PIEZO2: variants seen among roughly 807,000 people sequenced by gnomAD.
PIEZO2 encodes piezo-type mechanosensitive ion channel component 2.
In PIEZO2, 172 loss-of-function variants were observed where a neutral mutation model predicts 337.3. The observed-to-expected ratio is 0.51, with a 90% CI of 0.45 to 0.58. The LOEUF is 0.58. Ranked by LOEUF, PIEZO2 falls within the 20% of genes least tolerant of loss-of-function variation. PIEZO2 has a pLI of 0.00. For synonymous variants in PIEZO2, 1,251 were observed against 1,228.5 expected, an observed-to-expected ratio of 1.02 and a Z score of -0.38; for missense variants, 3,028 against 3,391.3, an observed-to-expected ratio of 0.89 and a Z score of 2.66.
At chr18:10,910,552 C>T (rs2030384435) in intron 4 of PIEZO2, among the ~76,000 whole-genome samples, 1 of 151,680 alleles carries the variant, frequency 6.6e-6, no homozygotes, top group African/African-American at 2.4e-5. Context: ...CAGTGCACTC[C>T]AGCCTGGGTA....
At chr18:10,971,361 T>G (rs2034231572) in intron 3 of PIEZO2, among the ~76,000 whole-genome samples, 2 of 152,172 alleles carry the variant, frequency 1.3e-5, no homozygotes. Context: ...ACTGTTTTAT[T>G]TCTATCTTTA....
chr18:10,858,990 A>C lies in PIEZO2; in HGVS notation c.493-1779T>G, dbSNP rs1445467101. On this transcript the variant is annotated intron_variant, in intron 5 of 55. Coordinates refer to ENST00000674853, the MANE Select transcript of PIEZO2 (RefSeq NM_001378183.1). ...TGTGTCCTAGCATATATAGGAAGAG[A>C]TATAGCAATAAACACGTAAACAAGT... Among the ~76,000 whole-genome samples the C allele has an allele frequency of 3.9e-5, 6 of 152,346 alleles. No individual in the cohort carries two copies. In the East Asian group the frequency reaches 5.8e-4, roughly 15 times the overall value.
chr18:10,933,782 G>A (rs137935110), intron 3 of PIEZO2, among the ~76,000 whole-genome samples: 5 of 152,170 alleles, frequency 3.3e-5, no homozygotes, highest in African/African-American at 1.2e-4. Context: ...GCCAGGTGGA[G>A]ATAATTGAGT....
intron 4 of PIEZO2, among the ~76,000 whole-genome samples, chr18:10,874,742 A>T (rs371914116): frequency 1.3e-5 from 2 of 152,204 alleles, no homozygotes; most frequent in Admixed American, 1.3e-4. Flanking sequence ...TCTCATTCAT[A>T]TGTCTGAGCT....
In PIEZO2 at chr18:10,853,933, A is replaced by G. The variant is rs762116590; in HGVS notation, c.917+1420T>C. Among the ~76,000 whole-genome samples the G allele has an allele frequency of 6.6e-6, 1 of 152,212 alleles. No homozygotes were observed. The highest frequency in any genetic ancestry group is 2.4e-5 in the African/African-American group (1 of 41,448). On this transcript the variant is annotated intron_variant, in intron 7 of 55. Coordinates refer to ENST00000674853, the MANE Select transcript of PIEZO2 (RefSeq NM_001378183.1). The surrounding 1 kb of genome is among the most constrained non-coding windows in gnomAD (Gnocchi z 4.2). ...GAAATTTCTCCAATTTAACCCCAAA[A>G]AAGTTTTAAGAATTTGTTGTTGAAC...
intron 48 of PIEZO2, 89 bp downstream of exon 48, chr18:10,691,136 C>T (rs1268282562): frequency 1.3e-5 from 19 of 1,412,990 alleles, no homozygotes; most frequent in Non-Finnish European, 1.8e-5. Flanking sequence ...AATTCATCCT[C>T]TCCCCCTTAC....
chr18:10,734,940 G>A (rs2036938394), intron 35 of PIEZO2, among the ~76,000 whole-genome samples: 1 of 152,174 alleles, frequency 6.6e-6, no homozygotes, highest in African/African-American at 2.4e-5. Context: ...AATGAGATGT[G>A]ACTTAGGCAA....
intron 2 of PIEZO2, among the ~76,000 whole-genome samples, chr18:10,983,984 A>C (rs753484964): frequency 2.6e-5 from 4 of 152,214 alleles, no homozygotes; most frequent in African/African-American, 4.8e-5. Context: ...AGGAATAAGA[A>C]GAATGGAGCA....
intron 1 of PIEZO2, among the ~76,000 whole-genome samples, chr18:11,072,231 A>T (rs1209303158): frequency 2.0e-5 from 3 of 152,120 alleles, no homozygotes; most frequent in Non-Finnish European, 4.4e-5. Flanking sequence ...AGAGTAGGGG[A>T]TCCATGCTTA....
intron 47 of PIEZO2, 38 bp downstream of exon 47, chr18:10,696,036 G>A (rs759946431): frequency 6.4e-7 from 1 of 1,556,388 alleles, no homozygotes; most frequent in Admixed American, 1.7e-5. Flanking sequence ...ACAGTTGCAT[G>A]GAGGCAGGTT....
chr18:11,130,933 TGCCA>T (rs2040322902), intron 1 of PIEZO2, among the ~76,000 whole-genome samples: 2 of 152,226 alleles, frequency 1.3e-5, no homozygotes, highest in South Asian at 4.1e-4. Context: ...CAAGCTGCTC[TGCCA>T]CATGGACCAT....
intron 16 of PIEZO2, 59 bp downstream of exon 16, chr18:10,786,977 T>C: frequency 7.0e-7 from 1 of 1,432,354 alleles, no homozygotes; most frequent in Admixed American, 2.3e-5. Flanking sequence ...AAAGATGCTT[T>C]GAACAATATG....
chr18:10,787,256 T>G, intron 15 of PIEZO2, 72 bp from the exon 16 acceptor site: 3 of 1,347,906 alleles, frequency 2.2e-6, no homozygotes, highest in South Asian at 1.4e-5. Context: ...AATATTTGGT[T>G]TAATTCAAGT....
chr18:10,736,618 T>G lies in PIEZO2; in HGVS notation c.4801A>C (p.Arg1601=). 6.5e-7 allele frequency: 1 copy of G among 1,537,194 alleles called. No individual in the cohort carries two copies. Among genetic ancestry groups the G allele is most frequent in the Non-Finnish European group, 8.7e-7 (1 of 1,146,870 alleles). The change falls in exon 34 of 56, where the codon AGG becomes CGG. Residue 1601 remains arginine (R), a synonymous_variant. Transcript: ENST00000674853. ...CCCATAATTACCTGGAATGCTGACC[T>G]TCGTGGAGGTTCTTCATCTTCCTTC... is the stretch of plus-strand genomic sequence containing the variant. ...LKKEDEEPPR[R]SAFQRAIGKF...
chr18:10,906,701 C>T (rs530330538), intron 4 of PIEZO2, among the ~76,000 whole-genome samples: 2 of 152,204 alleles, frequency 1.3e-5, no homozygotes, highest in African/African-American at 4.8e-5. Context: ...GTTGGGACTA[C>T]AGGCACATGC....
rs1018941514 is a variant in PIEZO2, at chr18:11,096,461, G to A, written c.65-30239C>T. Among the ~76,000 whole-genome samples the A allele has an allele frequency of 7.9e-5, 12 of 152,132 alleles. No individual in the cohort carries two copies. Among genetic ancestry groups the A allele is most frequent in the Non-Finnish European group, 1.2e-4 (8 of 68,026 alleles). ...CTGGTTCTGCCTCCTAAGAGCTCTCGGACAAATGCCTCCCTGTTTCTGGGT... is the reference window on the plus strand; with the variant it reads ...CTGGTTCTGCCTCCTAAGAGCTCTCAGACAAATGCCTCCCTGTTTCTGGGT... On this transcript the variant is annotated intron_variant, in intron 1 of 55. Transcript: ENST00000674853. This position sits in a 1 kb window ranked among gnomAD's most constrained non-coding sequence, Gnocchi z 4.6.
chr18:11,059,685 T>G (rs1343071337), intron 2 of PIEZO2, among the ~76,000 whole-genome samples: 1 of 152,124 alleles, frequency 6.6e-6, no homozygotes, highest in African/African-American at 2.4e-5. Context: ...GGTAAAGGGA[T>G]CAATTCAACA....
intron 3 of PIEZO2, among the ~76,000 whole-genome samples, chr18:10,912,602 A>AGGTTTAGGTTTT (rs2030580677): frequency 6.6e-6 from 1 of 152,202 alleles, no homozygotes. Flanking sequence ...TTAAACTCGT[A>AGGTTTAGGTTTT]CGGTGCTTAG....
At chr18:10,967,005 TTC>T (rs1239713727) in intron 3 of PIEZO2, among the ~76,000 whole-genome samples, 5 of 151,182 alleles carry the variant, frequency 3.3e-5, no homozygotes, top group Non-Finnish European at 5.9e-5. Flanking sequence ...ATACCACATT[TTC>T]TCTGTTTTTT....
Sources: allele counts gnomAD v4.1 joint callset (sites outside exome capture counted in the v4.1 genomes callset), GRCh38; gene constraint gnomAD v4.1.1; non-coding constraint Gnocchi (gnomAD v3.1); transcripts MANE v1.5; gene names NCBI Gene and HGNC (gene_info 2026-07-23, HGNC 2026-07-21).